Variants in GRB10 observed in about 807,000 individuals in gnomAD.
GRB10 encodes the protein growth factor receptor bound protein 10, also known as growth factor receptor-bound protein 10.
Under a neutral mutation model 80.9 loss-of-function variants are expected in GRB10, and 20 were observed. That is an observed-to-expected ratio of 0.25 (90% CI 0.17 to 0.36). The LOEUF is 0.36. Ranked by LOEUF, GRB10 falls within the 10% of genes least tolerant of loss-of-function variation. The pLI, the probability that GRB10 is intolerant of heterozygous loss-of-function variation, is 1.00. For missense variants in GRB10, 548 were observed against 747.7 expected (o/e 0.73, Z 3.12); for synonymous variants, 291 against 291.5 (o/e 1.00, Z 0.02).
Position 50,691,858 on chromosome 7 carries a change from G to A in GRB10, c.139+11963C>T, listed in dbSNP as rs571067803. On this transcript the variant is annotated intron_variant, in intron 5 of 18. Coordinates refer to ENST00000401949, the MANE Select transcript of GRB10 (RefSeq NM_001350814.2). ...TCAACTTTGGCATCAGTGTGCAACCGGAGACCAACATTCACTACTTTTCAG... is the reference window on the plus strand; with the variant it reads ...TCAACTTTGGCATCAGTGTGCAACCAGAGACCAACATTCACTACTTTTCAG... Among the ~76,000 whole-genome samples the A allele has an allele frequency of 3.9e-5, 6 of 152,200 alleles. No individual in the cohort carries two copies. In the South Asian group the frequency reaches 8.3e-4, roughly 21 times the overall value.
intron 12 of GRB10, among the ~76,000 whole-genome samples, chr7:50,614,038 AT>A (rs2050068017): frequency 6.6e-6 from 1 of 152,220 alleles, no homozygotes; most frequent in Non-Finnish European, 1.5e-5. Flanking sequence ...GGAACATATC[AT>A]GCACAGTAAG....
chr7:50,607,870 GAGA>G (rs2048813635), intron 13 of GRB10, among the ~76,000 whole-genome samples: 1 of 152,188 alleles, frequency 6.6e-6, no homozygotes, highest in African/African-American at 2.4e-5. Flanking sequence ...CAACCATGTG[GAGA>G]AGAAGAAAGA....
intron 4 of GRB10, among the ~76,000 whole-genome samples, chr7:50,706,333 C>G (rs1470893841): frequency 6.6e-6 from 1 of 152,210 alleles, no homozygotes; most frequent in Admixed American, 6.5e-5. Context: ...AACTTTCAGA[C>G]AGCATAAATA....
intron 5 of GRB10, among the ~76,000 whole-genome samples, chr7:50,679,067 T>C (rs557700581): frequency 1.3e-5 from 2 of 152,356 alleles, no homozygotes; most frequent in African/African-American, 4.8e-5. Flanking sequence ...GAATGTATTT[T>C]CTGCACAAAT....
chr7:50,717,683 A>G (rs1215704009), intron 4 of GRB10, among the ~76,000 whole-genome samples: 1 of 152,238 alleles, frequency 6.6e-6, no homozygotes, highest in East Asian at 1.9e-4. Context: ...GTTCATTATC[A>G]GTAGATCTGA....
Position 50,619,166 on chromosome 7 carries a change from T to C in GRB10, c.777+4A>G. On this transcript the variant is annotated splice_donor_region_variant and intron_variant, in intron 9 of 18. Transcript: ENST00000401949. ...AACCCCAAACCTGAAGAGGTAAGACTCACCATGGGATTTTTAAAGAACTCG... is the reference window on the plus strand; with the variant it reads ...AACCCCAAACCTGAAGAGGTAAGACCCACCATGGGATTTTTAAAGAACTCG... 6.5e-7 allele frequency: 1 copy of C among 1,534,704 alleles called. No individual in the cohort carries two copies. The highest frequency in any genetic ancestry group is 1.1e-5 in the South Asian group (1 of 89,540).
intron 2 of GRB10, chr7:50,779,698 C>T (rs1173994015): frequency 6.6e-6 from 1 of 152,310 alleles, no homozygotes; most frequent in Non-Finnish European, 1.5e-5. Flanking sequence ...ATTACACAGC[C>T]ATTGTTGGCA....
intron 7 of GRB10, among the ~76,000 whole-genome samples, chr7:50,662,247 C>G (rs2237462): frequency 6.6e-6 from 1 of 152,070 alleles, no homozygotes; most frequent in East Asian, 1.9e-4. Context: ...CTTAAAAGCC[C>G]CTGGGCCTCC....
intron 5 of GRB10, among the ~76,000 whole-genome samples, chr7:50,689,104 T>C (rs907866580): frequency 1.3e-5 from 2 of 152,098 alleles, no homozygotes; most frequent in Admixed American, 6.5e-5. Context: ...GTAATGACAG[T>C]CTAGAGTCAC....
intron 4 of GRB10, among the ~76,000 whole-genome samples, chr7:50,724,116 A>T (rs925628282): frequency 6.6e-6 from 1 of 152,228 alleles, no homozygotes; most frequent in Non-Finnish European, 1.5e-5. Flanking sequence ...AAATCTCACC[A>T]TGCACAAATG....
chr7:50,632,929 C>A (rs1361458861), intron 7 of GRB10, among the ~76,000 whole-genome samples: 2 of 152,122 alleles, frequency 1.3e-5, no homozygotes, highest in Admixed American at 6.5e-5. Context: ...CTTGCCAGAC[C>A]CAGCCATACC....
chr7:50,613,261 G>A (rs1363324914), intron 12 of GRB10, among the ~76,000 whole-genome samples: 5 of 152,120 alleles, frequency 3.3e-5, no homozygotes, highest in African/African-American at 4.8e-5. Context: ...TTGCCCCCAG[G>A]CCACTGAGAG....
intron 3 of GRB10, among the ~76,000 whole-genome samples, chr7:50,748,163 C>T (rs2073347752): frequency 6.6e-6 from 1 of 152,114 alleles, no homozygotes; most frequent in Non-Finnish European, 1.5e-5. Context: ...AATCACTCAC[C>T]CCCCGCCCCA....
intron 7 of GRB10, among the ~76,000 whole-genome samples, chr7:50,660,431 G>A (rs537504087): frequency 2.2e-4 from 34 of 152,200 alleles, no homozygotes; most frequent in Non-Finnish European, 4.3e-4. Context: ...GGAGGCAGCC[G>A]TGGTGCAGAT....
chr7:50,670,993 AACAC>A (rs373067965), intron 6 of GRB10, among the ~76,000 whole-genome samples: 1 of 152,178 alleles, frequency 6.6e-6, no homozygotes, highest in African/African-American at 2.4e-5. Context: ...ACAACTATGC[AACAC>A]ACACACAGTA....
intron 4 of GRB10, among the ~76,000 whole-genome samples, chr7:50,730,080 C>A (rs553375083): frequency 1.3e-5 from 2 of 152,130 alleles, no homozygotes; most frequent in South Asian, 2.1e-4. Context: ...ATGGAAACTG[C>A]GGTAGGGAAA....
In GRB10 at chr7:50,590,858, C is replaced by G. The variant is rs2045769675; in HGVS notation, c.*2094G>C. 1 of 152,212 alleles carries G rather than the reference C, an allele frequency of 6.6e-6. No individual in the cohort carries two copies. The highest frequency in any genetic ancestry group is 1.5e-5 in the Non-Finnish European group (1 of 68,046). 9.4% of individuals were successfully genotyped at this position (152,212 alleles called of 1,614,324 possible). On this transcript the variant is annotated 3_prime_UTR_variant, in exon 19 of 19. Transcript: ENST00000401949. ...TACATACAAAACTGTGAATCAGAGT[C>G]AAGCTTTTGTTCTCCTTTTAAATAA...
intron 3 of GRB10, among the ~76,000 whole-genome samples, chr7:50,743,712 G>A (rs1416418896): frequency 3.3e-5 from 5 of 152,204 alleles, no homozygotes; most frequent in Non-Finnish European, 7.3e-5. Context: ...GGAGAACCAG[G>A]AGAGGCCGAC....
intron 2 of GRB10, among the ~76,000 whole-genome samples, chr7:50,764,981 A>T (rs2076181966): frequency 6.6e-6 from 1 of 152,362 alleles, no homozygotes; most frequent in Middle Eastern, 3.4e-3. Context: ...ATAGCAAAAA[A>T]ACAAGTAACT....
Sources: allele counts gnomAD v4.1 joint callset (sites outside exome capture counted in the v4.1 genomes callset), GRCh38; gene constraint gnomAD v4.1.1; transcripts MANE v1.5; gene names NCBI Gene and HGNC (gene_info 2026-07-23, HGNC 2026-07-21).